Variants in PLXNA4 observed in about 807,000 individuals in gnomAD.
PLXNA4 encodes plexin-A4.
PLXNA4 carries 44 observed loss-of-function variants against 191.8 expected under a neutral mutation model. The ratio of observed to expected loss-of-function variants is 0.23; its 90% CI spans 0.18 to 0.29. PLXNA4 has a LOEUF of 0.29. Ranked by LOEUF, PLXNA4 falls within the 10% of genes least tolerant of loss-of-function variation. The pLI, the probability that PLXNA4 is intolerant of heterozygous loss-of-function variation, is 1.00. For synonymous variants in PLXNA4, 1,082 were observed against 1,009.5 expected (o/e 1.07, Z -1.36); for missense variants, 1,800 against 2,488.8 (o/e 0.72, Z 5.89).
intron 3 of PLXNA4, among the ~76,000 whole-genome samples, chr7:132,347,279 A>T (rs1803280739): frequency 6.6e-6 from 1 of 152,170 alleles, no homozygotes; most frequent in Non-Finnish European, 1.5e-5. Flanking sequence ...TGCTGGGAAG[A>T]GCTCAAGGGC....
chr7:132,369,025 C>T (rs972398240), intron 3 of PLXNA4, among the ~76,000 whole-genome samples: 4 of 152,206 alleles, frequency 2.6e-5, no homozygotes, highest in Non-Finnish European at 1.5e-5. Flanking sequence ...TCTATCCTGC[C>T]GCACACCTCC....
intron 3 of PLXNA4, among the ~76,000 whole-genome samples, chr7:132,345,416 A>G (rs1803206814): frequency 6.6e-6 from 1 of 152,238 alleles, no homozygotes; most frequent in Non-Finnish European, 1.5e-5. Flanking sequence ...ATGTCAAGAA[A>G]GCTCAAATGT....
intron 3 of PLXNA4, chr7:132,352,331 G>A (rs1803524238): frequency 6.6e-6 from 1 of 152,378 alleles, no homozygotes; most frequent in Non-Finnish European, 1.5e-5. Context: ...GTGGCTGTAG[G>A]AGGTGCAGAG....
rs182909166 is a variant in PLXNA4, at chr7:132,300,815, G to A, written c.1372-2593C>T. Among the ~76,000 whole-genome samples, 230 of 152,324 alleles carry A rather than the reference G, an allele frequency of 1.5e-3. 1 individual carries two copies. The highest frequency in any genetic ancestry group is 3.3e-3 in the African/African-American group (137 of 41,586). Reference sequence around the variant, plus strand: ...TCTCCAGCCCCCTCAGGCCACCGTCGGCCAGAGCAGGGTCCCCAGGGGAGT... The same window carrying A: ...TCTCCAGCCCCCTCAGGCCACCGTCAGCCAGAGCAGGGTCCCCAGGGGAGT... On this transcript the variant is annotated intron_variant, in intron 3 of 31. Coordinates refer to ENST00000321063, the MANE Select transcript of PLXNA4 (RefSeq NM_020911.2).
intron 5 of PLXNA4, 69 bp from the exon 6 acceptor site, chr7:132,228,538 G>A: frequency 1.3e-6 from 2 of 1,590,794 alleles, no homozygotes; most frequent in Non-Finnish European, 1.7e-6. Context: ...GGATGCTGAG[G>A]TCAGGTGTTT....
chr7:132,634,549 C>T (rs1392741859), intron 2 of PLXNA4, among the ~76,000 whole-genome samples: 1 of 152,144 alleles, frequency 6.6e-6, no homozygotes. Context: ...GCCTTAAATT[C>T]AATACTCCAG....
intron 3 of PLXNA4, among the ~76,000 whole-genome samples, chr7:132,451,369 C>T (rs1485757006): frequency 3.9e-5 from 6 of 152,144 alleles, no homozygotes; most frequent in African/African-American, 9.7e-5. Context: ...GAGGCAGCAG[C>T]GGCTGCTGAC....
At chr7:132,165,264 C>T (rs193014426) in intron 22 of PLXNA4, 64 bp from the exon 23 acceptor site, 389 of 1,570,910 alleles carry the variant, frequency 2.5e-4, no homozygotes, top group Admixed American at 1.2e-3. Flanking sequence ...GGTCAGAGCC[C>T]GTGGGCTGGG....
intron 2 of PLXNA4, among the ~76,000 whole-genome samples, chr7:132,503,589 A>G (rs571785158): frequency 1.3e-5 from 2 of 152,276 alleles, no homozygotes. Flanking sequence ...TGGGCTCCCC[A>G]GCCTTACTGT....
chr7:132,187,708 G>A (rs1167522912), intron 14 of PLXNA4, 101 bp from the exon 15 acceptor site: 13 of 1,468,582 alleles, frequency 8.9e-6, no homozygotes, highest in Admixed American at 2.4e-5. Flanking sequence ...CTGCCTTCTG[G>A]AATCTTTGGT....
rs780678688 is a variant in PLXNA4 at position 132,507,947 on chromosome 7, G to A, written c.747C>T (p.Ser249=). ...DFDIYYVYGF[S]SGNFVYFLTL... ...TCAAAAAGTAGACAAAGTTGCCACT[G>A]CTAAAACCATAGACATAGTAGATAT... is the stretch of plus-strand genomic sequence containing the variant. Residue 249 remains serine (S), a synonymous_variant, in exon 2 of 32, where the codon AGC becomes AGT. Coordinates refer to ENST00000321063, the MANE Select transcript of PLXNA4 (RefSeq NM_020911.2). 2 of 1,614,134 alleles carry A rather than the reference G, an allele frequency of 1.2e-6. No individual in the cohort carries two copies. Among genetic ancestry groups the A allele is most frequent in the South Asian group, 2.2e-5 (2 of 91,082 alleles).
intron 3 of PLXNA4, among the ~76,000 whole-genome samples, chr7:132,408,356 G>A (rs1794307942): frequency 6.6e-6 from 1 of 152,092 alleles, no homozygotes; most frequent in South Asian, 2.1e-4. Flanking sequence ...GTGGCATTCT[G>A]GGGGTGCAGT....
chr7:132,539,925 G>A (rs543853947), intron 1 of PLXNA4, among the ~76,000 whole-genome samples: 1 of 152,296 alleles, frequency 6.6e-6, no homozygotes, highest in East Asian at 1.9e-4. Flanking sequence ...ACAGAGCAGT[G>A]TTAACTGAAG....
At chr7:132,251,229 C>T (rs1413830166) in intron 4 of PLXNA4, among the ~76,000 whole-genome samples, 8 of 152,146 alleles carry the variant, frequency 5.3e-5, no homozygotes, top group African/African-American at 1.7e-4. Context: ...TCACCAACCC[C>T]CACAAAATGT....
intron 2 of PLXNA4, among the ~76,000 whole-genome samples, chr7:132,632,235 C>CAAAAAAAAAAA (rs398006359): frequency 1.3e-5 from 1 of 78,662 alleles, no homozygotes; most frequent in African/African-American, 4.7e-5. Context: ...GACTCCATCT[C>CAAAAAAAAAAA]AAAAAAAAAA....
At chr7:132,528,736 C>T (rs566634397) in intron 1 of PLXNA4, among the ~76,000 whole-genome samples, 147 of 152,358 alleles carry the variant, frequency 9.6e-4, no homozygotes, top group South Asian at 4.3e-3. Flanking sequence ...CACTGATGTG[C>T]CTGCAATGGC....
chr7:132,181,077 G>A (rs1016941177), intron 18 of PLXNA4, among the ~76,000 whole-genome samples: 4 of 152,218 alleles, frequency 2.6e-5, no homozygotes, highest in South Asian at 2.1e-4. Context: ...GCTGTGGTTC[G>A]CACAAGGCTG....
intron 3 of PLXNA4, among the ~76,000 whole-genome samples, chr7:132,346,414 G>C (rs1046285569): frequency 9.9e-5 from 15 of 152,188 alleles, no homozygotes; most frequent in Admixed American, 2.0e-4. Flanking sequence ...AATGGAGGAA[G>C]CAAAAATAAA....
intron 3 of PLXNA4, among the ~76,000 whole-genome samples, chr7:132,323,394 C>A (rs1802252106): frequency 6.6e-6 from 1 of 152,210 alleles, no homozygotes; most frequent in African/African-American, 2.4e-5. Context: ...CTCATCTAAT[C>A]CTTCGAGTGA....
Sources: gnomAD v4.1 joint callset for allele counts (sites outside exome capture counted in the v4.1 genomes callset) on GRCh38, gnomAD v4.1.1 for gene constraint, MANE v1.5 for transcripts, NCBI Gene and HGNC (gene_info 2026-07-23, HGNC 2026-07-21) for gene names.